The following CSMD1 variants were observed in gnomAD, a reference collection of about 807,000 sequenced individuals.
CSMD1 encodes the protein CUB and Sushi multiple domains 1.
A neutral mutation model predicts 417.5 loss-of-function variants in CSMD1; 213 were observed. The ratio of observed to expected loss-of-function variants is 0.51; its 90% CI spans 0.46 to 0.57. CSMD1 has a LOEUF of 0.57. Ranked by LOEUF, CSMD1 falls within the 20% of genes least tolerant of loss-of-function variation. The pLI is 0.00. For missense variants in CSMD1, 6,923 were observed against 4,529.7 expected (o/e 1.53, Z -15.17); for synonymous variants, 2,862 against 1,736.8 (o/e 1.65, Z -16.11).
intron 5 of CSMD1, among the ~76,000 whole-genome samples, chr8:3,830,618 T>G (rs1802322664): frequency 6.6e-6 from 1 of 152,166 alleles, no homozygotes; most frequent in African/African-American, 2.4e-5. Flanking sequence ...AGAAAAATAT[T>G]GATTTAATGC....
intron 23 of CSMD1, among the ~76,000 whole-genome samples, chr8:3,335,320 C>G (rs1807184362): frequency 6.6e-6 from 1 of 152,184 alleles, no homozygotes; most frequent in Admixed American, 6.5e-5. Context: ...ATCAATTTCC[C>G]CTCCATCACA....
chr8:2,986,965 C>T (rs1056927496), intron 54 of CSMD1, among the ~76,000 whole-genome samples: 1 of 152,062 alleles, frequency 6.6e-6, no homozygotes, highest in Admixed American at 6.5e-5. Context: ...GTGGCATATG[C>T]AAATTCTCTA....
At chr8:4,162,874 C>T (rs372464348) in intron 3 of CSMD1, among the ~76,000 whole-genome samples, 85 of 152,236 alleles carry the variant, frequency 5.6e-4, no homozygotes, top group African/African-American at 1.9e-3. Context: ...GTTTCCCCGC[C>T]CTAAAAATTT....
chr8:3,705,398 G>C (rs534503159), intron 7 of CSMD1, among the ~76,000 whole-genome samples: 11 of 152,286 alleles, frequency 7.2e-5, no homozygotes, highest in Admixed American at 5.2e-4. Context: ...GGAGCTGCTA[G>C]CAGTGTCCAC....
chr8:4,342,295 G>A (rs1218850720), intron 3 of CSMD1, among the ~76,000 whole-genome samples: 1 of 151,918 alleles, frequency 6.6e-6, no homozygotes, highest in Non-Finnish European at 1.5e-5. Flanking sequence ...CACAAGCCAA[G>A]ATTCAAAGGT....
intron 23 of CSMD1, among the ~76,000 whole-genome samples, chr8:3,330,544 G>C (rs754134710): frequency 2.0e-5 from 3 of 152,188 alleles, no homozygotes; most frequent in Non-Finnish European, 2.9e-5. Flanking sequence ...GAGCTAAATG[G>C]TGTGAACTCA....
At chr8:3,283,173 T>A (rs1802867746) in intron 26 of CSMD1, among the ~76,000 whole-genome samples, 1 of 152,156 alleles carries the variant, frequency 6.6e-6, no homozygotes, top group South Asian at 2.1e-4. Context: ...CTTGAAACTT[T>A]ATCCCTAAGG....
At chr8:3,742,619 T>G (rs145639576) in intron 6 of CSMD1, among the ~76,000 whole-genome samples, 3 of 152,008 alleles carry the variant, frequency 2.0e-5, no homozygotes, top group African/African-American at 7.2e-5. Flanking sequence ...CGTGCCCAGG[T>G]CCACTTTTCC....
intron 5 of CSMD1, among the ~76,000 whole-genome samples, chr8:3,850,061 G>C (rs568507620): frequency 4.6e-5 from 7 of 152,252 alleles, no homozygotes; most frequent in Non-Finnish European, 1.0e-4. Flanking sequence ...CTCTCAAAGT[G>C]TTGGGATTAC....
At chr8:3,312,457 T>A (rs1476296448) in intron 23 of CSMD1, among the ~76,000 whole-genome samples, 1 of 152,188 alleles carries the variant, frequency 6.6e-6, no homozygotes, top group Non-Finnish European at 1.5e-5. Flanking sequence ...AATACATTCC[T>A]CTTTCCTGTC....
At chr8:3,270,410 G>GA (rs1300729687) in intron 26 of CSMD1, among the ~76,000 whole-genome samples, 5 of 151,326 alleles carry the variant, frequency 3.3e-5, no homozygotes, top group Admixed American at 1.3e-4. Context: ...TTAAAGCAGT[G>GA]AAAAAAAATG....
At chr8:4,686,047 G>C (rs749257576) in intron 1 of CSMD1, among the ~76,000 whole-genome samples, 1 of 152,170 alleles carries the variant, frequency 6.6e-6, no homozygotes, top group Non-Finnish European at 1.5e-5. Context: ...GGAGGTAATT[G>C]GCAGTTTTAT....
At chr8:4,084,827 GCT>G (rs755510967) in intron 3 of CSMD1, among the ~76,000 whole-genome samples, 9 of 144,082 alleles carry the variant, frequency 6.2e-5, no homozygotes, top group Admixed American at 1.5e-4. Context: ...CCTCAAGACA[GCT>G]CTGTTCCATC....
chr8:3,459,019 C>G lies in CSMD1; in HGVS notation c.1561+9693G>C, dbSNP rs558598021. 2.9e-3 allele frequency among the ~76,000 whole-genome samples: 448 copies of G among 152,310 alleles called. 3 individuals are homozygous for G. Among genetic ancestry groups the G allele is most frequent in the African/African-American group, 9.6e-3 (399 of 41,554 alleles). On this transcript the variant is annotated intron_variant, in intron 12 of 69. Coordinates refer to ENST00000635120, the MANE Select transcript of CSMD1 (RefSeq NM_033225.6). ...GAAGGGAAGGGTTGTTTCCTACCCGCAAGGGTAGGAAGGACCCGCCCGGAG... is the reference window on the plus strand; with the variant it reads ...GAAGGGAAGGGTTGTTTCCTACCCGGAAGGGTAGGAAGGACCCGCCCGGAG...
At chr8:3,705,878 C>G (rs887044027) in intron 7 of CSMD1, among the ~76,000 whole-genome samples, 1 of 152,172 alleles carries the variant, frequency 6.6e-6, no homozygotes, top group African/African-American at 2.4e-5. Flanking sequence ...CTGAAGGCAC[C>G]AGCACTTCAC....
chr8:4,828,937 C>G (rs1799979504), intron 1 of CSMD1, among the ~76,000 whole-genome samples: 1 of 152,144 alleles, frequency 6.6e-6, no homozygotes, highest in Non-Finnish European at 1.5e-5. Flanking sequence ...TAACCATCCC[C>G]AAACCATAGA....
intron 5 of CSMD1, among the ~76,000 whole-genome samples, chr8:3,936,997 G>A (rs1278012722): frequency 1.3e-5 from 2 of 152,134 alleles, no homozygotes; most frequent in East Asian, 1.9e-4. Context: ...CCTCGTGAAT[G>A]ACTTTGTTGG....
At chr8:4,031,393 A>T (rs902325238) in intron 4 of CSMD1, among the ~76,000 whole-genome samples, 2 of 152,150 alleles carry the variant, frequency 1.3e-5, no homozygotes, top group Non-Finnish European at 2.9e-5. Flanking sequence ...GCAAAGAGAG[A>T]GCTTGTGCAG....
intron 1 of CSMD1, among the ~76,000 whole-genome samples, chr8:4,984,015 G>C (rs1458880286): frequency 6.6e-6 from 1 of 152,196 alleles, no homozygotes; most frequent in South Asian, 2.1e-4. Context: ...GATTTGAAAA[G>C]ACTGATTATG....
Sources: allele counts gnomAD v4.1 joint callset (sites outside exome capture counted in the v4.1 genomes callset), GRCh38; gene constraint gnomAD v4.1.1; transcripts MANE v1.5; gene names NCBI Gene and HGNC (gene_info 2026-07-23, HGNC 2026-07-21).